The following SLC12A2 variants were observed in gnomAD, a reference collection of about 807,000 sequenced individuals.
The protein encoded by SLC12A2 is Na-K-2Cl cotransporter 1.
In SLC12A2, 67 loss-of-function variants were observed where a neutral mutation model predicts 136.3. The observed-to-expected ratio is 0.49, with a 90% CI of 0.40 to 0.60. The LOEUF is 0.60. Ranked by LOEUF, SLC12A2 falls within the 20% of genes least tolerant of loss-of-function variation. The probability of loss-of-function intolerance (pLI) is 0.00; values close to 1 mark genes in which losing one functional copy is unlikely to be tolerated. For synonymous variants in SLC12A2, 619 were observed against 562.9 expected (o/e 1.10, Z -1.41); for missense variants, 1,322 against 1,534.7 (o/e 0.86, Z 2.32).
chr5:128,101,955 G>A (rs1158933364), intron 1 of SLC12A2, among the ~76,000 whole-genome samples: 1 of 152,186 alleles, frequency 6.6e-6, no homozygotes, highest in Non-Finnish European at 1.5e-5. Flanking sequence ...AAGTCTTTTA[G>A]AGGTAATCTT....
At position 128,184,796 on chromosome 5, in the gene SLC12A2, G is replaced by T; in HGVS notation, c.3443G>T (p.Arg1148Leu). The change falls in exon 26 of 27, where the codon CGG becomes CTG. Residue 1148 changes from arginine to leucine, a missense_variant. Around this residue, in one of 8 missense-constraint regions of SLC12A2, gnomAD observed 172 missense variants for 227.4 expected, o/e 0.76. Transcript: ENST00000262461. ...TGTCCTGTTTCATTTCAGACATACCGGCAGATCAGGTTAAATGAGTTATTA... is the reference window on the plus strand; with the variant it reads ...TGTCCTGTTTCATTTCAGACATACCTGCAGATCAGGTTAAATGAGTTATTA... The part of the protein sequence containing the change: ...ELELYKTKTY[R>L]QIRLNELLKE... The T allele has an allele frequency of 6.2e-7, 1 of 1,610,088 alleles. No individual in the cohort carries two copies. The highest frequency in any genetic ancestry group is 8.5e-7 in the Non-Finnish European group (1 of 1,176,716).
At chr5:128,157,955 C>G in intron 15 of SLC12A2, 98 bp from the exon 16 acceptor site, 1 of 883,654 alleles carries the variant, frequency 1.1e-6, no homozygotes, top group Non-Finnish European at 1.7e-6. Flanking sequence ...GTCTTAAGGA[C>G]AGTTGTATAC....
intron 18 of SLC12A2, chr5:128,170,152 G>T (rs1254710401): frequency 6.6e-6 from 1 of 152,028 alleles, no homozygotes; most frequent in African/African-American, 2.4e-5. Context: ...AATTTTTATA[G>T]CTTATAACAA....
Position 128,178,637 on chromosome 5 carries a change from G to C in SLC12A2, c.3048G>C (p.Gln1016His). The C allele has an allele frequency of 6.2e-7, 1 of 1,602,224 alleles. No individual in the cohort carries two copies. Among genetic ancestry groups the C allele is most frequent in the East Asian group, 2.3e-5 (1 of 44,300 alleles). ...QKLLEASTQF[Q>H]KKQGKNTIDV... is the part of the protein sequence containing the mutation. The stretch of plus-strand genomic sequence containing the variant: ...TTCTTGAAGCTAGTACACAGTTTCA[G>C]AAAAAACAAGGAAAGAATACTATTG... Residue 1016 changes from glutamine to histidine, a missense_variant, in exon 22 of 27, where the codon CAG becomes CAC. Physicochemically the swap from Gln to His is conservative, Grantham distance 24. Coordinates refer to ENST00000262461, the MANE Select transcript of SLC12A2 (RefSeq NM_001046.3).
intron 11 of SLC12A2, 113 bp from the exon 12 acceptor site, chr5:128,148,641 A>T: frequency 1.2e-6 from 1 of 818,184 alleles, no homozygotes; most frequent in Non-Finnish European, 1.9e-6. Context: ...AGGATAAAAG[A>T]GATGACCAAG....
At chr5:128,099,954 T>A (rs1760688180) in intron 1 of SLC12A2, among the ~76,000 whole-genome samples, 2 of 152,180 alleles carry the variant, frequency 1.3e-5, no homozygotes, top group South Asian at 2.1e-4. Context: ...AAGTAAGCTG[T>A]AAAACAATAA....
rs556542168 is a variant in SLC12A2 at position 128,107,601 on chromosome 5, G to A, written c.757-5213G>A. On this transcript the variant is annotated intron_variant, in intron 1 of 26. Coordinates refer to ENST00000262461, the MANE Select transcript of SLC12A2 (RefSeq NM_001046.3). ...AATGATGGTTTCCAGCTTCATCCAT[G>A]TCCCTGCAAAGGACATGAACTCATC... Among the ~76,000 whole-genome samples, 11 of 152,280 alleles carry A rather than the reference G, an allele frequency of 7.2e-5. No homozygotes were observed. The East Asian group carries it at 2.1e-3, about 29-fold the overall frequency.
intron 1 of SLC12A2, among the ~76,000 whole-genome samples, chr5:128,103,956 A>G (rs944582557): frequency 9.9e-5 from 15 of 152,222 alleles, no homozygotes; most frequent in Admixed American, 6.5e-5. Context: ...CAGTCAGACT[A>G]ATATTTGCCT....
chr5:128,087,905 G>A (rs184528883), intron 1 of SLC12A2, among the ~76,000 whole-genome samples: 1 of 152,056 alleles, frequency 6.6e-6, no homozygotes, highest in East Asian at 1.9e-4. Context: ...TACTGGAGGA[G>A]GAATAGATTT....
At chr5:128,098,892 C>T (rs1194352550) in intron 1 of SLC12A2, among the ~76,000 whole-genome samples, 1 of 152,042 alleles carries the variant, frequency 6.6e-6, no homozygotes, top group African/African-American at 2.4e-5. Flanking sequence ...TTTCCAATTC[C>T]TCTGTTGACT....
At chr5:128,156,273 G>T (rs563921793) in intron 15 of SLC12A2, among the ~76,000 whole-genome samples, 61 of 151,966 alleles carry the variant, frequency 4.0e-4, no homozygotes, top group African/African-American at 1.4e-3. Context: ...TTTCTGATTT[G>T]TCAAATCCTT....
intron 17 of SLC12A2, among the ~76,000 whole-genome samples, chr5:128,162,170 C>A (rs559710414): frequency 5.3e-5 from 8 of 151,954 alleles, no homozygotes; most frequent in Non-Finnish European, 1.2e-4. Context: ...TTAAGAATAG[C>A]CAAGGCAATC....
chr5:128,136,035 A>G (rs947390605), intron 7 of SLC12A2, among the ~76,000 whole-genome samples: 7 of 152,150 alleles, frequency 4.6e-5, no homozygotes, highest in African/African-American at 1.2e-4. Flanking sequence ...GTGATAGAAT[A>G]TGGAGAAATC....
At chr5:128,160,822 G>T (rs997180176) in intron 16 of SLC12A2, among the ~76,000 whole-genome samples, 1 of 151,336 alleles carries the variant, frequency 6.6e-6, no homozygotes, top group Non-Finnish European at 1.5e-5. Flanking sequence ...TTATACAGTG[G>T]CAAAGTCAAG....
intron 4 of SLC12A2, among the ~76,000 whole-genome samples, chr5:128,130,124 A>G (rs1173895722): frequency 6.6e-6 from 1 of 152,042 alleles, no homozygotes; most frequent in Non-Finnish European, 1.5e-5. Context: ...TAGAAGTTAC[A>G]TTAAGGCTGG....
At chr5:128,177,203 C>G (rs1468054690) in intron 21 of SLC12A2, 51 bp downstream of exon 21, 2 of 1,289,204 alleles carry the variant, frequency 1.6e-6, no homozygotes, top group Non-Finnish European at 2.2e-6. Context: ...ACTGTAAACT[C>G]TTTAACTCCA....
intron 17 of SLC12A2, among the ~76,000 whole-genome samples, chr5:128,165,929 C>T (rs867061204): frequency 1.4e-5 from 2 of 146,022 alleles, no homozygotes; most frequent in Admixed American, 6.8e-5. Context: ...CCCCCCCCCC[C>T]CCCCAGTTAA....
chr5:128,088,221 A>G (rs1760176173), intron 1 of SLC12A2, among the ~76,000 whole-genome samples: 1 of 152,144 alleles, frequency 6.6e-6, no homozygotes, highest in Non-Finnish European at 1.5e-5. Context: ...AAGGAAATTA[A>G]GGAAGAGCTG....
intron 16 of SLC12A2, among the ~76,000 whole-genome samples, chr5:128,161,033 TTTTAC>T (rs1239274454): frequency 6.6e-6 from 1 of 152,124 alleles, no homozygotes; most frequent in Non-Finnish European, 1.5e-5. Context: ...TAAATTATAT[TTTTAC>T]TTATTTACAT....
Sources: allele counts gnomAD v4.1 joint callset (sites outside exome capture counted in the v4.1 genomes callset), GRCh38; gene constraint gnomAD v4.1.1; regional missense constraint gnomAD v4.1.1; transcripts MANE v1.5; gene names NCBI Gene and HGNC (gene_info 2026-07-23, HGNC 2026-07-21).